The following TMEM108 variants were observed in gnomAD, a reference collection of about 807,000 sequenced individuals.
TMEM108 encodes transmembrane protein 108, also known as cancer/testis antigen 124.
A neutral mutation model predicts 35.1 loss-of-function variants in TMEM108; 12 were observed. That is an observed-to-expected ratio of 0.34 (90% CI 0.22 to 0.55). The LOEUF is 0.55. Ranked by LOEUF, TMEM108 falls within the 20% of genes least tolerant of loss-of-function variation. The pLI, the probability that TMEM108 is intolerant of heterozygous loss-of-function variation, is 0.89. For synonymous variants in TMEM108, 287 were observed against 308.6 expected, an observed-to-expected ratio of 0.93 and a Z score of 0.73; for missense variants, 680 against 753.3, an observed-to-expected ratio of 0.90 and a Z score of 1.14.
chr3:133,186,304 AAG>A (rs559993370), intron 2 of TMEM108, among the ~76,000 whole-genome samples: 92 of 152,272 alleles, frequency 6.0e-4, no homozygotes, highest in African/African-American at 2.2e-3. Context: ...CAAAGTACCA[AAG>A]AGAGAATGGT....
chr3:133,132,468 A>T (rs1313672650), intron 2 of TMEM108, among the ~76,000 whole-genome samples: 1 of 152,308 alleles, frequency 6.6e-6, no homozygotes, highest in East Asian at 1.9e-4. Context: ...ATGACAACAC[A>T]TCTGTTTATA....
chr3:133,112,234 C>T (rs1247081253), intron 2 of TMEM108, among the ~76,000 whole-genome samples: 2 of 152,084 alleles, frequency 1.3e-5, no homozygotes, highest in Middle Eastern at 3.2e-3. Flanking sequence ...AACAAAATGA[C>T]TCTGGGAAGA....
intron 3 of TMEM108, chr3:133,378,540 C>T (rs2072910413): frequency 1.0e-6 from 1 of 985,480 alleles, no homozygotes; most frequent in Non-Finnish European, 1.2e-6. Context: ...GATCCATGAA[C>T]AAGGAGGTGC....
intron 2 of TMEM108, among the ~76,000 whole-genome samples, chr3:133,207,849 C>G (rs912052654): frequency 1.3e-5 from 2 of 152,138 alleles, no homozygotes; most frequent in Non-Finnish European, 2.9e-5. Flanking sequence ...ATACCACACT[C>G]AATGCATGCA....
rs570294779 is a variant in TMEM108 at position 133,380,113 on chromosome 3, A to C, written c.402A>C (p.Arg134=). ...TTSSKPEGRP[R]GQAAPTILLT... ...CCTCCAAGCCAGAGGGCCGCCCTCG[A>C]GGGCAGGCTGCCCCCACCATCCTGC... is the stretch of plus-strand genomic sequence containing the variant. Residue 134 remains arginine (R), a synonymous_variant, in exon 4 of 6, where the codon CGA becomes CGC. Transcript: ENST00000321871. This position sits in a 1 kb window ranked among gnomAD's most constrained non-coding sequence, Gnocchi z 5.3. 22 of 1,613,908 alleles carry C rather than the reference A, an allele frequency of 1.4e-5. No individual in the cohort carries two copies. The highest frequency in any genetic ancestry group is 3.3e-4 in the Middle Eastern group (2 of 6,062).
At chr3:133,389,073 T>G in intron 4 of TMEM108, 1 of 985,472 alleles carries the variant, frequency 1.0e-6, no homozygotes, top group Non-Finnish European at 1.2e-6. Context: ...ATATACTCAG[T>G]CCTCACTTCA....
intron 2 of TMEM108, among the ~76,000 whole-genome samples, chr3:133,171,204 A>G (rs1576359168): frequency 6.6e-6 from 1 of 152,192 alleles, no homozygotes; most frequent in African/African-American, 2.4e-5. Flanking sequence ...TACATGAAAG[A>G]AGTTAGCAAA....
chr3:133,082,048 T>A (rs10512888), intron 2 of TMEM108, among the ~76,000 whole-genome samples: 22,391 of 152,146 alleles, frequency 0.15, 1,643 homozygotes, highest in East Asian at 0.19. Flanking sequence ...CTAACTCTAC[T>A]CCTTGTGGCA....
At chr3:133,088,004 GAAAA>G (rs747115666) in intron 2 of TMEM108, among the ~76,000 whole-genome samples, 49 of 152,176 alleles carry the variant, frequency 3.2e-4, no homozygotes, top group Admixed American at 9.2e-4. Flanking sequence ...TTGGCAAAGA[GAAAA>G]AAAGAAGATT....
At chr3:133,142,742 A>C (rs1020497904) in intron 2 of TMEM108, among the ~76,000 whole-genome samples, 12 of 152,210 alleles carry the variant, frequency 7.9e-5, no homozygotes, top group African/African-American at 2.9e-4. Context: ...CTCATTAGGG[A>C]TTCTACTTGA....
intron 2 of TMEM108, among the ~76,000 whole-genome samples, chr3:133,101,006 T>TGGAATATC (rs60108946): frequency 0.015 from 2,269 of 152,330 alleles, 51 homozygotes; most frequent in African/African-American, 0.052. Flanking sequence ...TTCCTCATTG[T>TGGAATATC]CACATACACA....
intron 2 of TMEM108, among the ~76,000 whole-genome samples, chr3:133,133,709 T>C (rs1037704312): frequency 1.3e-5 from 2 of 151,206 alleles, no homozygotes; most frequent in Non-Finnish European, 2.9e-5. Context: ...TTTTTTTTTT[T>C]AGACGGAGTC....
At chr3:133,262,189 A>G (rs1270592114) in intron 3 of TMEM108, among the ~76,000 whole-genome samples, 2 of 152,172 alleles carry the variant, frequency 1.3e-5, no homozygotes, top group African/African-American at 2.4e-5. Flanking sequence ...TGAGTGTCTT[A>G]TCTGCCTGTG....
At chr3:133,078,249 C>T (rs545227895) in intron 2 of TMEM108, among the ~76,000 whole-genome samples, 5 of 151,482 alleles carry the variant, frequency 3.3e-5, no homozygotes, top group Non-Finnish European at 5.9e-5. Flanking sequence ...TTTTTGTGGA[C>T]GACAGGGCAT....
chr3:133,121,717 G>A (rs1285118314), intron 2 of TMEM108, among the ~76,000 whole-genome samples: 3 of 152,168 alleles, frequency 2.0e-5, no homozygotes, highest in East Asian at 3.8e-4. Context: ...CCTGGAGTTA[G>A]GAGAACAATA....
At chr3:133,167,705 C>T (rs932083662) in intron 2 of TMEM108, among the ~76,000 whole-genome samples, 35 of 152,160 alleles carry the variant, frequency 2.3e-4, no homozygotes, top group African/African-American at 7.2e-4. Context: ...CCGCCGAGCC[C>T]ACACCCACCC....
chr3:133,330,732 T>G (rs1237650776), intron 3 of TMEM108, among the ~76,000 whole-genome samples: 1 of 152,228 alleles, frequency 6.6e-6, no homozygotes, highest in Non-Finnish European at 1.5e-5. Flanking sequence ...TGACTCATAT[T>G]TTGATGCTGA....
intron 4 of TMEM108, chr3:133,388,270 A>G (rs2073183786): frequency 2.0e-6 from 2 of 983,976 alleles, no homozygotes; most frequent in Non-Finnish European, 1.2e-6. Flanking sequence ...AATGAAGAAC[A>G]GAGACACCAG....
At chr3:133,157,077 ATCAT>A (rs1346411060) in intron 2 of TMEM108, among the ~76,000 whole-genome samples, 1 of 152,224 alleles carries the variant, frequency 6.6e-6, no homozygotes, top group Non-Finnish European at 1.5e-5. Context: ...ATGTTTACCA[ATCAT>A]TCTTAATATT....
Sources: gnomAD v4.1 joint callset for allele counts (sites outside exome capture counted in the v4.1 genomes callset) on GRCh38, gnomAD v4.1.1 for gene constraint, Gnocchi (gnomAD v3.1) non-coding constraint, MANE v1.5 for transcripts, NCBI Gene and HGNC (gene_info 2026-07-23, HGNC 2026-07-21) for gene names.